Variants in ATRNL1 observed in about 807,000 individuals in gnomAD.
ATRNL1 encodes attractin like 1.
A neutral mutation model predicts 182.7 loss-of-function variants in ATRNL1; 95 were observed. The observed-to-expected ratio is 0.52, with a 90% confidence interval of 0.44 to 0.62. The LOEUF (loss-of-function observed/expected upper bound fraction) is 0.62. ATRNL1 is among the 20% of genes least tolerant of loss of function. The probability of loss-of-function intolerance (pLI) is 0.00; values close to 1 mark genes in which losing one functional copy is unlikely to be tolerated. For missense variants in ATRNL1, 1,471 were observed against 1,679.5 expected (o/e 0.88, Z 2.17); for synonymous variants, 576 against 568.3 (o/e 1.01, Z -0.19).
At chr10:115,402,954 G>A (rs544255743) in intron 20 of ATRNL1, among the ~76,000 whole-genome samples, 1 of 152,222 alleles carries the variant, frequency 6.6e-6, no homozygotes, top group South Asian at 2.1e-4. Context: ...AAAAATTCTT[G>A]ATACATTTTG....
At chr10:115,937,072 G>T (rs1265973165) in intron 28 of ATRNL1, among the ~76,000 whole-genome samples, 1 of 152,188 alleles carries the variant, frequency 6.6e-6, no homozygotes, top group Non-Finnish European at 1.5e-5. Context: ...TAAAAACAAT[G>T]ATTTGAGACA....
chr10:115,302,445 A>G (rs1199600992), intron 17 of ATRNL1, among the ~76,000 whole-genome samples: 4 of 152,016 alleles, frequency 2.6e-5, no homozygotes, highest in South Asian at 4.2e-4. Context: ...ACCTATACCA[A>G]TTGTTTTGGA....
At chr10:115,102,445 T>C (rs1843813106) in intron 1 of ATRNL1, among the ~76,000 whole-genome samples, 1 of 151,746 alleles carries the variant, frequency 6.6e-6, no homozygotes, top group Admixed American at 6.6e-5. Flanking sequence ...TATATATATA[T>C]ACACATACAT....
At chr10:115,516,735 G>A (rs782341485) in intron 24 of ATRNL1, among the ~76,000 whole-genome samples, 7 of 151,696 alleles carry the variant, frequency 4.6e-5, no homozygotes, top group African/African-American at 1.2e-4. Context: ...TCATAAACAT[G>A]TCTAACCTAA....
intron 27 of ATRNL1, among the ~76,000 whole-genome samples, chr10:115,736,092 T>TAA (rs142679375): frequency 0.97 from 147,745 of 152,226 alleles, 71,843 homozygotes; most frequent in Middle Eastern, 1. Flanking sequence ...TGGTTATTTC[T>TAA]AAGTTATTGA....
chr10:115,663,553 TAGTG>T (rs1157942943), intron 26 of ATRNL1, among the ~76,000 whole-genome samples: 2 of 151,664 alleles, frequency 1.3e-5, no homozygotes, highest in East Asian at 4.0e-4. Flanking sequence ...ATGAGTAAAA[TAGTG>T]AGTGATATCA....
intron 28 of ATRNL1, among the ~76,000 whole-genome samples, chr10:115,932,452 G>A (rs74794645): frequency 2.6e-5 from 4 of 152,140 alleles, no homozygotes; most frequent in African/African-American, 9.7e-5. Flanking sequence ...TACATTATCT[G>A]TAATAACTTT....
chr10:115,418,374 C>T (rs570303628), intron 20 of ATRNL1, among the ~76,000 whole-genome samples: 18 of 151,938 alleles, frequency 1.2e-4, no homozygotes, highest in Non-Finnish European at 2.6e-4. Context: ...TTAGTGAGTT[C>T]AAAGGTAGGC....
intron 26 of ATRNL1, among the ~76,000 whole-genome samples, chr10:115,554,533 T>C (rs966668145): frequency 6.6e-6 from 1 of 151,572 alleles, no homozygotes; most frequent in East Asian, 1.9e-4. Flanking sequence ...TATAGACAAA[T>C]TGATAAATAC....
chr10:115,501,973 T>G (rs1849863924), intron 24 of ATRNL1, among the ~76,000 whole-genome samples: 1 of 152,070 alleles, frequency 6.6e-6, no homozygotes, highest in Non-Finnish European at 1.5e-5. Flanking sequence ...AAAACCCCCT[T>G]CTAAAGAGGA....
At chr10:115,262,958 A>AGTTGTGTTGACTCACATTAGCAGTGTAC (rs1851453018) in intron 10 of ATRNL1, among the ~76,000 whole-genome samples, 1 of 151,980 alleles carries the variant, frequency 6.6e-6, no homozygotes, top group African/African-American at 2.4e-5. Context: ...AAAATCTAGT[A>AGTTGTGTTGACTCACATTAGCAGTGTAC]AAATCGAAGT....
chr10:115,455,416 G>A lies in ATRNL1; in HGVS notation c.3323-6525G>A, dbSNP rs1237556881. Among the ~76,000 whole-genome samples, 4 of 152,076 alleles carry A rather than the reference G, an allele frequency of 2.6e-5. No homozygotes were observed. In the East Asian group the frequency reaches 7.7e-4, roughly 29 times the overall value. On this transcript the variant is annotated intron_variant, in intron 21 of 28. Transcript: ENST00000355044. Reference sequence around the variant, plus strand: ...TTCCCTATGTAATAAATGGTGTTGGGGAAACTGGCTAGCCATATGCAGAAA... The same window carrying A: ...TTCCCTATGTAATAAATGGTGTTGGAGAAACTGGCTAGCCATATGCAGAAA...
chr10:115,571,286 T>G (rs185734951), intron 26 of ATRNL1, among the ~76,000 whole-genome samples: 59 of 152,308 alleles, frequency 3.9e-4, no homozygotes, highest in African/African-American at 1.1e-3. Context: ...AAATGGATTG[T>G]CCTGCTTTTT....
intron 28 of ATRNL1, among the ~76,000 whole-genome samples, chr10:115,898,891 C>T (rs1173886844): frequency 1.3e-5 from 2 of 152,114 alleles, no homozygotes; most frequent in East Asian, 3.9e-4. Flanking sequence ...TGGAGGAAAA[C>T]AGCAGCAAAA....
intron 20 of ATRNL1, among the ~76,000 whole-genome samples, chr10:115,400,292 T>G (rs1004019704): frequency 6.6e-6 from 1 of 152,074 alleles, no homozygotes; most frequent in Non-Finnish European, 1.5e-5. Context: ...ATAATTTGAT[T>G]GTGCTGTGGT....
chr10:115,699,815 G>C (rs1310524368), intron 26 of ATRNL1, among the ~76,000 whole-genome samples: 4 of 152,164 alleles, frequency 2.6e-5, no homozygotes, highest in Non-Finnish European at 5.9e-5. Context: ...GTACCCCATA[G>C]TTACTTTCTC....
chr10:115,875,432 C>A (rs1322560803), intron 28 of ATRNL1, among the ~76,000 whole-genome samples: 1 of 152,122 alleles, frequency 6.6e-6, no homozygotes, highest in African/African-American at 2.4e-5. Context: ...GATAAGTTAT[C>A]CTGAGGGACA....
intron 24 of ATRNL1, among the ~76,000 whole-genome samples, chr10:115,506,464 C>G (rs1554981314): frequency 6.6e-6 from 1 of 152,008 alleles, no homozygotes; most frequent in Non-Finnish European, 1.5e-5. Flanking sequence ...AATTTAGCTA[C>G]TTACCTAGGG....
chr10:115,426,219 T>A (rs1490963010), intron 20 of ATRNL1, 31 bp from the exon 21 acceptor site: 1 of 1,596,488 alleles, frequency 6.3e-7, no homozygotes, highest in Non-Finnish European at 8.6e-7. Context: ...TTGCATTGTT[T>A]AATAGTAAAT....
Sources: gnomAD v4.1 joint callset for allele counts (sites outside exome capture counted in the v4.1 genomes callset) on GRCh38, gnomAD v4.1.1 for gene constraint, MANE v1.5 for transcripts, NCBI Gene and HGNC (gene_info 2026-07-23, HGNC 2026-07-21) for gene names.